Variants in ARHGAP24 observed in about 807,000 individuals in gnomAD.
The protein encoded by ARHGAP24 is Rho GTPase activating protein 24.
Under a neutral mutation model 76.4 loss-of-function variants are expected in ARHGAP24, and 50 were observed. The observed-to-expected ratio is 0.65, with a 90% CI of 0.52 to 0.83. ARHGAP24 has a LOEUF of 0.83. Ranked by LOEUF, ARHGAP24 falls within the 40% of genes least tolerant of loss-of-function variation. ARHGAP24 has a pLI of 0.00. For missense variants in ARHGAP24, 930 were observed against 914.2 expected, an observed-to-expected ratio of 1.02 and a Z score of -0.22; for synonymous variants, 345 against 323.3, an observed-to-expected ratio of 1.07 and a Z score of -0.72.
At chr4:85,898,665 C>G (rs1196943785) in intron 3 of ARHGAP24, among the ~76,000 whole-genome samples, 1 of 152,178 alleles carries the variant, frequency 6.6e-6, no homozygotes, top group Non-Finnish European at 1.5e-5. Flanking sequence ...TGGTTTGCCA[C>G]TTCTCTTAAG....
At chr4:85,507,007 C>T (rs1724083281) in intron 1 of ARHGAP24, among the ~76,000 whole-genome samples, 1 of 151,928 alleles carries the variant, frequency 6.6e-6, no homozygotes, top group Non-Finnish European at 1.5e-5. Flanking sequence ...TGGTAGATTC[C>T]AATTGTTCAG....
At chr4:85,802,496 A>G (rs1728619128) in intron 3 of ARHGAP24, among the ~76,000 whole-genome samples, 1 of 152,248 alleles carries the variant, frequency 6.6e-6, no homozygotes, top group Non-Finnish European at 1.5e-5. Flanking sequence ...TGATGGATAA[A>G]GAATAATAAT....
intron 3 of ARHGAP24, among the ~76,000 whole-genome samples, chr4:85,913,224 G>T (rs1411779479): frequency 6.6e-6 from 1 of 151,694 alleles, no homozygotes; most frequent in Non-Finnish European, 1.5e-5. Context: ...GCTTCCCTCT[G>T]TAATCTTATG....
chr4:85,613,149 T>C (rs1190691585), intron 2 of ARHGAP24, among the ~76,000 whole-genome samples: 1 of 152,138 alleles, frequency 6.6e-6, no homozygotes, highest in Admixed American at 6.5e-5. Flanking sequence ...TGTGTGCAAA[T>C]GTATACCTTT....
intron 2 of ARHGAP24, among the ~76,000 whole-genome samples, chr4:85,638,496 A>C (rs1720817065): frequency 6.6e-6 from 1 of 152,158 alleles, no homozygotes; most frequent in Non-Finnish European, 1.5e-5. Flanking sequence ...TAGGACTGAT[A>C]GAAACTTATT....
At chr4:85,813,455 G>T (rs1454958696) in intron 3 of ARHGAP24, among the ~76,000 whole-genome samples, 1 of 152,088 alleles carries the variant, frequency 6.6e-6, no homozygotes, top group Non-Finnish European at 1.5e-5. Flanking sequence ...GACTCAGATG[G>T]TCAACATCTA....
chr4:85,526,174 G>A (rs1724983241), intron 1 of ARHGAP24, among the ~76,000 whole-genome samples: 1 of 149,032 alleles, frequency 6.7e-6, no homozygotes, highest in African/African-American at 2.4e-5. Context: ...ACTTTAGGAG[G>A]CCAAGATGGG....
chr4:85,913,702 A>G (rs1253441312), intron 3 of ARHGAP24, among the ~76,000 whole-genome samples: 1 of 152,184 alleles, frequency 6.6e-6, no homozygotes, highest in Non-Finnish European at 1.5e-5. Flanking sequence ...AAATGAATGA[A>G]TGCTCTGCTT....
At chr4:85,647,180 T>C (rs1375876967) in intron 2 of ARHGAP24, among the ~76,000 whole-genome samples, 3 of 151,980 alleles carry the variant, frequency 2.0e-5, no homozygotes, top group Non-Finnish European at 4.4e-5. Context: ...TGGGAAGAAA[T>C]TGGATTTGAT....
intron 3 of ARHGAP24, among the ~76,000 whole-genome samples, chr4:85,765,283 A>G (rs952468106): frequency 1.3e-5 from 2 of 152,150 alleles, no homozygotes; most frequent in Admixed American, 6.6e-5. Flanking sequence ...TGGATTGTGC[A>G]GTGAGTAGAA....
At chr4:85,588,107 A>T (rs1727933074) in intron 2 of ARHGAP24, among the ~76,000 whole-genome samples, 1 of 152,180 alleles carries the variant, frequency 6.6e-6, no homozygotes, top group South Asian at 2.1e-4. Flanking sequence ...TGGGCTGGTA[A>T]CCTCATCACC....
Position 85,662,273 on chromosome 4 carries a change from G to A in ARHGAP24, c.181-59612G>A, listed in dbSNP as rs886367907. 9.1e-4 allele frequency among the ~76,000 whole-genome samples: 139 copies of A among 152,040 alleles called. 1 individual carries two copies. The highest frequency in any genetic ancestry group is 3.1e-3 in the African/African-American group (129 of 41,348). ...TGCATTTCTCTGATGGCCAGTGATG[G>A]TGAGCATTTTTTCATGTGTTTTTTG... On this transcript the variant is annotated intron_variant, in intron 2 of 9. Transcript: ENST00000395184.
chr4:85,480,515 C>G (rs899409397), intron 1 of ARHGAP24, among the ~76,000 whole-genome samples: 1 of 152,096 alleles, frequency 6.6e-6, no homozygotes, highest in African/African-American at 2.4e-5. Context: ...GCTAATTAAG[C>G]TAAGTTAAAT....
rs1722890683 is a variant in ARHGAP24, at chr4:85,673,939, A to G, written c.181-47946A>G. On this transcript the variant is annotated intron_variant, in intron 2 of 9. Transcript: ENST00000395184. ...TTGTTGCGTAGCTTGTATTTAATGG[A>G]AATAATAACATTACAAGAAATCTGC... Among the ~76,000 whole-genome samples the G allele has an allele frequency of 2.0e-5, 3 of 151,982 alleles. No individual in the cohort carries two copies. The South Asian group carries it at 6.2e-4, about 32-fold the overall frequency.
chr4:85,769,815 T>C (rs1727066808), intron 3 of ARHGAP24, among the ~76,000 whole-genome samples: 1 of 152,014 alleles, frequency 6.6e-6, no homozygotes, highest in Admixed American at 6.6e-5. Flanking sequence ...TCTTGAACTC[T>C]TGACCTCGTG....
At chr4:85,707,037 C>T (rs913300272) in intron 2 of ARHGAP24, among the ~76,000 whole-genome samples, 1 of 152,168 alleles carries the variant, frequency 6.6e-6, no homozygotes, top group Non-Finnish European at 1.5e-5. Context: ...GCCTCAGCCT[C>T]CTGAGTAACT....
At chr4:85,584,475 A>T (rs1727760526) in intron 2 of ARHGAP24, among the ~76,000 whole-genome samples, 2 of 151,538 alleles carry the variant, frequency 1.3e-5, no homozygotes, top group East Asian at 3.9e-4. Context: ...TAGCATTAGG[A>T]GATATACCTA....
At chr4:85,761,280 C>T (rs901450102) in intron 3 of ARHGAP24, among the ~76,000 whole-genome samples, 34 of 152,116 alleles carry the variant, frequency 2.2e-4, no homozygotes, top group Non-Finnish European at 4.3e-4. Flanking sequence ...TCAGTGCAGC[C>T]AAGATATTTC....
At chr4:85,552,819 T>A (rs1726195028) in intron 1 of ARHGAP24, among the ~76,000 whole-genome samples, 1 of 152,202 alleles carries the variant, frequency 6.6e-6, no homozygotes. Context: ...AAAGTCTGTT[T>A]TACTAAAATT....
Sources: gnomAD v4.1 joint callset for allele counts (sites outside exome capture counted in the v4.1 genomes callset) on GRCh38, gnomAD v4.1.1 for gene constraint, MANE v1.5 for transcripts, NCBI Gene and HGNC (gene_info 2026-07-23, HGNC 2026-07-21) for gene names.